The following WWOX variants were observed in gnomAD, a reference collection of about 807,000 sequenced individuals.
WWOX encodes the protein WW domain-containing oxidoreductase.
A neutral mutation model predicts 46.2 loss-of-function variants in WWOX; 69 were observed. The ratio of observed to expected loss-of-function variants is 1.49; its 90% CI spans 1.23 to 1.82. The LOEUF (loss-of-function observed/expected upper bound fraction) is 1.82. WWOX is among the 40% of genes most tolerant of loss of function. The pLI is 0.00. For synonymous variants in WWOX, 359 were observed against 202.6 expected (o/e 1.77, Z -6.56); for missense variants, 919 against 542.6 (o/e 1.69, Z -6.89).
intron 6 of WWOX, among the ~76,000 whole-genome samples, chr16:78,410,270 T>C (rs1286537934): frequency 6.6e-6 from 1 of 152,204 alleles, no homozygotes; most frequent in East Asian, 1.9e-4. Flanking sequence ...TTATAAATTA[T>C]CCAGCCTCAG....
At chr16:78,824,835 C>A (rs2051604413) in intron 8 of WWOX, among the ~76,000 whole-genome samples, 1 of 152,128 alleles carries the variant, frequency 6.6e-6, no homozygotes, top group Non-Finnish European at 1.5e-5. Flanking sequence ...TGGAGACACA[C>A]CCAAAGCATA....
rs191856060 is a variant in WWOX, at chr16:79,207,458, C to A, written c.1057-4150C>A. Among the ~76,000 whole-genome samples the A allele has an allele frequency of 2.8e-4, 42 of 152,354 alleles. 1 individual carries two copies. The highest frequency in any genetic ancestry group is 9.6e-4 in the African/African-American group (40 of 41,588). On this transcript the variant is annotated intron_variant, in intron 8 of 8. Coordinates refer to ENST00000566780, the MANE Select transcript of WWOX (RefSeq NM_016373.4). The stretch of plus-strand genomic sequence containing the variant: ...CTGCTCTTGGTGTTCCAAGCCTAAT[C>A]TAACTTCCAGGGTTCATTCCTTTCA...
chr16:79,022,204 A>T (rs1456422068), intron 8 of WWOX, among the ~76,000 whole-genome samples: 1 of 152,172 alleles, frequency 6.6e-6, no homozygotes, highest in Non-Finnish European at 1.5e-5. Context: ...AAGACTGGGG[A>T]TGGAGCTTTA....
chr16:78,887,437 G>A (rs528124421), intron 8 of WWOX, among the ~76,000 whole-genome samples: 1 of 149,160 alleles, frequency 6.7e-6, no homozygotes, highest in Non-Finnish European at 1.5e-5. Context: ...AAAGTAAGGT[G>A]GGAAGGCAAT....
At chr16:78,220,022 G>C (rs926530728) in intron 5 of WWOX, among the ~76,000 whole-genome samples, 1 of 152,154 alleles carries the variant, frequency 6.6e-6, no homozygotes, top group African/African-American at 2.4e-5. Flanking sequence ...TCTGTGAACT[G>C]TATTTTGATG....
chr16:78,812,832 T>C lies in WWOX; in HGVS notation c.1056+380080T>C, dbSNP rs1259547274. Among the ~76,000 whole-genome samples, 7 of 152,234 alleles carry C rather than the reference T, an allele frequency of 4.6e-5. No homozygotes were observed. In the East Asian group the frequency reaches 1.3e-3, roughly 29 times the overall value. ...GACCCCATGTTTGTGTTATAAGTTT[T>C]CAAACTTTTTAAATATTTTCCCCTG... On this transcript the variant is annotated intron_variant, in intron 8 of 8. Coordinates refer to ENST00000566780, the MANE Select transcript of WWOX (RefSeq NM_016373.4).
intron 8 of WWOX, among the ~76,000 whole-genome samples, chr16:79,126,669 C>G (rs1214798203): frequency 6.6e-6 from 1 of 152,132 alleles, no homozygotes; most frequent in Admixed American, 6.5e-5. Context: ...AGTGTAAGAA[C>G]AGACTAATAC....
intron 8 of WWOX, among the ~76,000 whole-genome samples, chr16:78,613,110 A>C (rs1477870183): frequency 4.6e-5 from 7 of 152,046 alleles, no homozygotes. Flanking sequence ...CTTCTCTTGC[A>C]TGGGGCCTTC....
At chr16:78,972,668 A>G (rs2046495249) in intron 8 of WWOX, among the ~76,000 whole-genome samples, 9 of 151,872 alleles carry the variant, frequency 5.9e-5, no homozygotes, top group Admixed American at 5.9e-4. Context: ...TGCAGAGCCT[A>G]TTTTTCTTTC....
At chr16:79,023,916 A>G (rs749906651) in intron 8 of WWOX, among the ~76,000 whole-genome samples, 6 of 151,988 alleles carry the variant, frequency 3.9e-5, no homozygotes, top group East Asian at 1.9e-4. Flanking sequence ...AGATTGTGCC[A>G]CTGCACTCCA....
intron 5 of WWOX, among the ~76,000 whole-genome samples, chr16:78,244,459 T>C (rs1320929254): frequency 6.6e-6 from 1 of 152,238 alleles, no homozygotes; most frequent in Non-Finnish European, 1.5e-5. Context: ...GTATCTGGAA[T>C]AGGATTCCAC....
At chr16:79,004,386 C>T (rs1483276328) in intron 8 of WWOX, 2 of 152,216 alleles carry the variant, frequency 1.3e-5, no homozygotes, top group East Asian at 1.9e-4. Context: ...GGATATTTCT[C>T]ATTTTCCATT....
intron 8 of WWOX, among the ~76,000 whole-genome samples, chr16:78,727,578 G>A (rs1435628904): frequency 1.3e-5 from 2 of 152,170 alleles, no homozygotes; most frequent in Non-Finnish European, 2.9e-5. Flanking sequence ...GTCCGTGGGG[G>A]CCCTGGTGCT....
intron 8 of WWOX, among the ~76,000 whole-genome samples, chr16:78,453,586 T>G (rs1294731046): frequency 6.6e-6 from 1 of 152,142 alleles, no homozygotes; most frequent in African/African-American, 2.4e-5. Flanking sequence ...TTAGAAAATC[T>G]GTCTAGGGTA....
At chr16:79,006,429 C>T (rs1296971026) in intron 8 of WWOX, among the ~76,000 whole-genome samples, 1 of 151,674 alleles carries the variant, frequency 6.6e-6, no homozygotes, top group Non-Finnish European at 1.5e-5. Flanking sequence ...GCATCAGGTG[C>T]CAGGTTAGAG....
chr16:79,021,478 A>G (rs922026880), intron 8 of WWOX, among the ~76,000 whole-genome samples: 1 of 152,184 alleles, frequency 6.6e-6, no homozygotes, highest in African/African-American at 2.4e-5. Flanking sequence ...AGTTGTCAAA[A>G]TATTAACTCA....
chr16:78,679,650 C>T (rs555669601), intron 8 of WWOX, among the ~76,000 whole-genome samples: 2 of 152,212 alleles, frequency 1.3e-5, no homozygotes, highest in African/African-American at 2.4e-5. Context: ...AGCTCCTATT[C>T]CTGTTTCCTT....
intron 8 of WWOX, among the ~76,000 whole-genome samples, chr16:78,601,370 G>T (rs2045618013): frequency 6.6e-6 from 1 of 151,760 alleles, no homozygotes; most frequent in South Asian, 2.1e-4. Context: ...AAAGAAACGG[G>T]TAAGACAGAG....
chr16:78,811,590 C>G (rs954668698), intron 8 of WWOX, among the ~76,000 whole-genome samples: 10 of 151,966 alleles, frequency 6.6e-5, no homozygotes, highest in South Asian at 2.1e-4. Flanking sequence ...AGGCTGGTCT[C>G]AAGCTCCTGA....
Sources: gnomAD v4.1 joint callset for allele counts (sites outside exome capture counted in the v4.1 genomes callset) on GRCh38, gnomAD v4.1.1 for gene constraint, MANE v1.5 for transcripts, NCBI Gene and HGNC (gene_info 2026-07-23, HGNC 2026-07-21) for gene names.